DSTYK: variants seen among roughly 807,000 people sequenced by gnomAD.
The protein encoded by DSTYK is dual serine/threonine and tyrosine protein kinase.
A neutral mutation model predicts 98.7 loss-of-function variants in DSTYK; 34 were observed. That is an observed-to-expected ratio of 0.34 (90% CI 0.26 to 0.46). The LOEUF (loss-of-function observed/expected upper bound fraction) is 0.46, where lower values mean the gene tolerates loss of function less well. Ranked by LOEUF, DSTYK falls within the 20% of genes least tolerant of loss-of-function variation. The probability of loss-of-function intolerance (pLI) is 1.00; values close to 1 mark genes in which losing one functional copy is unlikely to be tolerated. For missense variants in DSTYK, 962 were observed against 1,181.7 expected (o/e 0.81, Z 2.73); for synonymous variants, 462 against 457.3 (o/e 1.01, Z -0.13).
intron 2 of DSTYK, among the ~76,000 whole-genome samples, chr1:205,181,131 TTC>T (rs1558616130): frequency 6.6e-6 from 1 of 152,204 alleles, no homozygotes; most frequent in Non-Finnish European, 1.5e-5. Flanking sequence ...CATTTCTTGT[TTC>T]TCTGTCCTGT....
At chr1:205,193,032 C>T (rs1390762763) in intron 1 of DSTYK, among the ~76,000 whole-genome samples, 1 of 152,110 alleles carries the variant, frequency 6.6e-6, no homozygotes, top group Non-Finnish European at 1.5e-5. Flanking sequence ...TGATACAATC[C>T]CTATGAAAGT....
chr1:205,170,010 A>G (rs1221658392), intron 2 of DSTYK, among the ~76,000 whole-genome samples, 178 bp from the exon 3 acceptor site: 1 of 152,174 alleles, frequency 6.6e-6, no homozygotes, highest in Non-Finnish European at 1.5e-5. Flanking sequence ...CAGCCTATGA[A>G]GGCAGGCACT....
chr1:205,187,844 G>A lies in DSTYK; in HGVS notation c.266-38C>T, dbSNP rs776128752. 74 of 1,540,652 alleles carry A rather than the reference G, an allele frequency of 4.8e-5. No individual in the cohort carries two copies. The South Asian group carries it at 8.1e-4, about 17-fold the overall frequency. ...GGGGAGAGTGGAGGAAGAGAAAGGA[G>A]TAGAGAGAGAGGAGTGAGGAAGGGG... On this transcript the variant is annotated intron_variant, in intron 1 of 12. Transcript: ENST00000367162.
intron 2 of DSTYK, among the ~76,000 whole-genome samples, chr1:205,182,749 C>T (rs9660670): frequency 0.5 from 74,685 of 150,812 alleles, 21,306 homozygotes; most frequent in Non-Finnish European, 0.63. Flanking sequence ...GAGGTTGCAG[C>T]GAGCCGAGAT....
At chr1:205,176,243 C>T (rs1021481198) in intron 2 of DSTYK, among the ~76,000 whole-genome samples, 1 of 151,874 alleles carries the variant, frequency 6.6e-6, no homozygotes, top group African/African-American at 2.4e-5. Context: ...TTAGGGAGGC[C>T]GAGACAGGCA....
In DSTYK at chr1:205,163,017, C is replaced by T. The variant is rs1361669053; in HGVS notation, c.1558-11G>A. 3 of 1,611,448 alleles carry T rather than the reference C, an allele frequency of 1.9e-6. No homozygotes were observed. The highest frequency in any genetic ancestry group is 3.3e-5 in the Admixed American group (2 of 59,996). On this transcript the variant is annotated splice_polypyrimidine_tract_variant and intron_variant, in intron 4 of 12. Coordinates refer to ENST00000367162, the MANE Select transcript of DSTYK (RefSeq NM_015375.3). The stretch of plus-strand genomic sequence containing the variant: ...GGCAGCATTTAAGATCTGAAAGAGA[C>T]AACGCCAAAGAAAACATGTCCTCAG...
chr1:205,204,093 G>A (rs1659131530), intron 1 of DSTYK, among the ~76,000 whole-genome samples: 1 of 152,204 alleles, frequency 6.6e-6, no homozygotes, highest in African/African-American at 2.4e-5. Flanking sequence ...CAAGGGGCCT[G>A]ATGCCCTAAA....
chr1:205,176,865 A>G (rs1404488803), intron 2 of DSTYK, among the ~76,000 whole-genome samples: 1 of 152,162 alleles, frequency 6.6e-6, no homozygotes, highest in Non-Finnish European at 1.5e-5. Context: ...GCACATTACT[A>G]AAACTCTATT....
At position 205,145,389 on chromosome 1, in the gene DSTYK, C is replaced by T. The variant is rs913922155; in HGVS notation, c.*2169G>A. The T allele has an allele frequency of 6.6e-6, 1 of 151,976 alleles. No individual in the cohort carries two copies. The highest frequency in any genetic ancestry group is 1.5e-5 in the Non-Finnish European group (1 of 67,986). 9.4% of individuals were successfully genotyped at this position (151,976 alleles called of 1,614,324 possible). A position where few individuals can be genotyped will look rare whatever the true frequency, so the allele number is the denominator to read the frequency against. On this transcript the variant is annotated 3_prime_UTR_variant, in exon 13 of 13. Transcript: ENST00000367162. Reference sequence around the variant, plus strand: ...ATATCATGATCAGAGCCCAGGATAGCCAAAGAGTTAAAAGTTATATGAAAG... The same window carrying T: ...ATATCATGATCAGAGCCCAGGATAGTCAAAGAGTTAAAAGTTATATGAAAG...
chr1:205,208,573 T>A (rs1659273508), intron 1 of DSTYK, among the ~76,000 whole-genome samples: 1 of 152,164 alleles, frequency 6.6e-6, no homozygotes, highest in East Asian at 1.9e-4. Flanking sequence ...GAGACTAACA[T>A]TCATAAAAGA....
At chr1:205,152,183 T>C (rs2102381838) in intron 10 of DSTYK, among the ~76,000 whole-genome samples, 1 of 152,286 alleles carries the variant, frequency 6.6e-6, no homozygotes, top group South Asian at 2.1e-4. Flanking sequence ...TTTTTGTTTG[T>C]TTTTGTTTTT....
At chr1:205,170,488 C>T (rs1330728923) in intron 2 of DSTYK, among the ~76,000 whole-genome samples, 2 of 152,176 alleles carry the variant, frequency 1.3e-5, no homozygotes, top group African/African-American at 4.8e-5. Context: ...TGCTTACTAT[C>T]GTAGCTCCAG....
In DSTYK at chr1:205,150,894, T is replaced by G. The variant is rs1254921811; in HGVS notation, c.2353-100A>C. ...GGTAGGTACCTCAAAGTAGTGTCAC[T>G]GGATAGGATTATGCTCTGAAAATGA... On this transcript the variant is annotated intron_variant, in intron 10 of 12. Transcript: ENST00000367162. This position sits in a 1 kb window ranked among gnomAD's most constrained non-coding sequence, Gnocchi z 4.1. 1.3e-5 allele frequency: 11 copies of G among 876,696 alleles called. No homozygotes were observed. The highest frequency in any genetic ancestry group is 2.1e-5 in the Non-Finnish European group (11 of 532,204). The allele number at this position is 876,696 out of a possible 1,614,324, so 54.3% of individuals were successfully genotyped here. A position where few individuals can be genotyped will look rare whatever the true frequency, so the allele number is the denominator to read the frequency against.
At chr1:205,192,093 G>A (rs11806911) in intron 1 of DSTYK, among the ~76,000 whole-genome samples, 1 of 152,066 alleles carries the variant, frequency 6.6e-6, no homozygotes, top group East Asian at 1.9e-4. Flanking sequence ...TGGAAGAGAA[G>A]AACAACTAAA....
chr1:205,207,202 C>G (rs902575721), intron 1 of DSTYK, among the ~76,000 whole-genome samples: 1 of 151,798 alleles, frequency 6.6e-6, no homozygotes, highest in Non-Finnish European at 1.5e-5. Context: ...CCTCAGCCTC[C>G]CGAGTAGCTG....
intron 1 of DSTYK, among the ~76,000 whole-genome samples, chr1:205,196,925 AT>A (rs1019982625): frequency 4.2e-4 from 62 of 146,334 alleles, no homozygotes; most frequent in Admixed American, 9.6e-4. Context: ...TGCCTGGCTA[AT>A]TTTTTTTTTT....
At chr1:205,181,990 C>G (rs1486965801) in intron 2 of DSTYK, among the ~76,000 whole-genome samples, 1 of 152,038 alleles carries the variant, frequency 6.6e-6, no homozygotes, top group Non-Finnish European at 1.5e-5. Context: ...GTAAACTTGT[C>G]ATTTTAAGAT....
At position 205,146,474 on chromosome 1, in the gene DSTYK, C is replaced by T. The variant is rs910985143; in HGVS notation, c.*1084G>A. 4.6e-5 allele frequency: 7 copies of T among 151,988 alleles called. No homozygotes were observed. Among genetic ancestry groups the T allele is most frequent in the African/African-American group, 1.7e-4 (7 of 41,352 alleles). The allele number at this position is 151,988 out of a possible 1,614,324, so 9.4% of individuals were successfully genotyped here. On this transcript the variant is annotated 3_prime_UTR_variant, in exon 13 of 13. Coordinates refer to ENST00000367162, the MANE Select transcript of DSTYK (RefSeq NM_015375.3). ...GATTCTGTTCTGGGGTTAGCAGTAA[C>T]TCTAAATCCAATAACTCCTGTGTGT...
intron 2 of DSTYK, among the ~76,000 whole-genome samples, chr1:205,181,298 GA>G (rs35706393): frequency 0.46 from 69,430 of 151,860 alleles, 19,287 homozygotes; most frequent in Non-Finnish European, 0.62. Flanking sequence ...TTTTAACCTA[GA>G]TATACTCAAG....
Sources: allele counts gnomAD v4.1 joint callset (sites outside exome capture counted in the v4.1 genomes callset), GRCh38; gene constraint gnomAD v4.1.1; non-coding constraint Gnocchi (gnomAD v3.1); transcripts MANE v1.5; gene names NCBI Gene and HGNC (gene_info 2026-07-23, HGNC 2026-07-21).